The following RASGRF2 variants were observed in gnomAD, a reference collection of about 807,000 sequenced individuals.
RASGRF2 encodes the protein ras-specific guanine nucleotide-releasing factor 2.
RASGRF2 carries 76 observed loss-of-function variants against 151.0 expected under a neutral mutation model. The observed-to-expected ratio is 0.50, with a 90% CI of 0.42 to 0.61. The LOEUF (loss-of-function observed/expected upper bound fraction) is 0.61, where lower values mean the gene tolerates loss of function less well. Ranked by LOEUF, RASGRF2 falls within the 20% of genes least tolerant of loss-of-function variation. The pLI, the probability that RASGRF2 is intolerant of heterozygous loss-of-function variation, is 0.00. For missense variants in RASGRF2, 1,148 were observed against 1,564.6 expected, an observed-to-expected ratio of 0.73 and a Z score of 4.49; for synonymous variants, 504 against 566.5, an observed-to-expected ratio of 0.89 and a Z score of 1.57.
At chr5:81,003,479 T>C (rs967396488) in intron 1 of RASGRF2, among the ~76,000 whole-genome samples, 8 of 152,130 alleles carry the variant, frequency 5.3e-5, no homozygotes, top group African/African-American at 7.2e-5. Context: ...CGCCTTGGCC[T>C]CCCAAAGTGC....
chr5:81,017,252 G>A (rs969521075), intron 1 of RASGRF2, among the ~76,000 whole-genome samples: 20 of 152,216 alleles, frequency 1.3e-4, no homozygotes, highest in African/African-American at 4.8e-4. Flanking sequence ...GCATGTTGAT[G>A]TGTGTTACTG....
intron 1 of RASGRF2, among the ~76,000 whole-genome samples, chr5:81,031,355 C>T (rs995969969): frequency 6.6e-6 from 1 of 152,202 alleles, no homozygotes; most frequent in Admixed American, 6.5e-5. Flanking sequence ...ACATTCTTCT[C>T]AGCACCACTT....
At chr5:80,986,198 T>C (rs949873592) in intron 1 of RASGRF2, among the ~76,000 whole-genome samples, 12 of 152,354 alleles carry the variant, frequency 7.9e-5, no homozygotes, top group South Asian at 2.1e-4. Context: ...TAGCTTCAGC[T>C]AAGTTAATGG....
chr5:81,187,155 A>G (rs532610970), intron 18 of RASGRF2, among the ~76,000 whole-genome samples: 1 of 152,160 alleles, frequency 6.6e-6, no homozygotes, highest in Non-Finnish European at 1.5e-5. Context: ...CTAAGTCTCA[A>G]AGGGGTTTAG....
At chr5:81,079,544 T>C (rs879454830) in intron 5 of RASGRF2, among the ~76,000 whole-genome samples, 10 of 152,346 alleles carry the variant, frequency 6.6e-5, no homozygotes, top group Admixed American at 3.9e-4. Context: ...GTAATTACCC[T>C]TCCTGGCCCT....
chr5:81,107,082 C>T (rs2112531847), intron 12 of RASGRF2, among the ~76,000 whole-genome samples: 1 of 151,188 alleles, frequency 6.6e-6, no homozygotes, highest in Non-Finnish European at 1.5e-5. Flanking sequence ...TATTGTTGGC[C>T]AGGTGCAGTG....
intron 18 of RASGRF2, among the ~76,000 whole-genome samples, chr5:81,193,718 T>C (rs560000766): frequency 6.6e-6 from 1 of 152,298 alleles, no homozygotes; most frequent in Admixed American, 6.5e-5. Context: ...GGTTTCACCA[T>C]GTTGGTCAGG....
intron 17 of RASGRF2, among the ~76,000 whole-genome samples, chr5:81,163,756 CAG>C (rs1754441188): frequency 6.6e-6 from 1 of 152,092 alleles, no homozygotes; most frequent in Non-Finnish European, 1.5e-5. Flanking sequence ...GCTGTATAAT[CAG>C]AGAGCTAGAC....
intron 1 of RASGRF2, among the ~76,000 whole-genome samples, chr5:81,036,228 T>C (rs961081648): frequency 6.6e-6 from 1 of 152,104 alleles, no homozygotes; most frequent in African/African-American, 2.4e-5. Context: ...ATTTCTTGGG[T>C]TATGAATTTT....
intron 5 of RASGRF2, among the ~76,000 whole-genome samples, chr5:81,074,306 A>C (rs1751871774): frequency 6.6e-6 from 1 of 152,206 alleles, no homozygotes; most frequent in African/African-American, 2.4e-5. Flanking sequence ...AGAGCTGTGG[A>C]GAAAAATAAA....
At chr5:81,027,476 C>A (rs538174733) in intron 1 of RASGRF2, among the ~76,000 whole-genome samples, 1 of 152,294 alleles carries the variant, frequency 6.6e-6, no homozygotes, top group South Asian at 2.1e-4. Flanking sequence ...CCATTCCCCT[C>A]GCTCCTGGCA....
At chr5:81,146,167 T>C (rs780003564) in intron 17 of RASGRF2, among the ~76,000 whole-genome samples, 14 of 152,218 alleles carry the variant, frequency 9.2e-5, no homozygotes, top group Non-Finnish European at 1.8e-4. Context: ...CTGAATTGAA[T>C]AGACTCATTT....
chr5:81,027,480 C>G lies in RASGRF2; in HGVS notation c.289-15397C>G, dbSNP rs79811829. Among the ~76,000 whole-genome samples the G allele has an allele frequency of 2.9e-3, 440 of 152,272 alleles. 4 individuals are homozygous for G. The highest frequency in any genetic ancestry group is 6.1e-3 in the African/African-American group (254 of 41,526). ...CTCTGCTCTGCCCATTCCCCTCGCT[C>G]CTGGCAACCACTTACCTGTGTTTTG... On this transcript the variant is annotated intron_variant, in intron 1 of 26. Transcript: ENST00000265080.
chr5:81,026,042 C>T (rs186920051), intron 1 of RASGRF2, among the ~76,000 whole-genome samples: 21 of 34,624 alleles, frequency 6.1e-4, no homozygotes, highest in East Asian at 1.7e-3. Flanking sequence ...TTCCCTCCTT[C>T]CTTCCATCCT....
chr5:81,162,369 A>T (rs1428700635), intron 17 of RASGRF2, among the ~76,000 whole-genome samples: 2 of 151,886 alleles, frequency 1.3e-5, no homozygotes, highest in African/African-American at 4.8e-5. Context: ...TGTTTTTGAG[A>T]TGGAGCCTCA....
chr5:81,014,117 A>G (rs1009352227), intron 1 of RASGRF2, among the ~76,000 whole-genome samples: 1 of 152,068 alleles, frequency 6.6e-6, no homozygotes, highest in African/African-American at 2.4e-5. Flanking sequence ...AACTTTGTTC[A>G]TGGTGTATTT....
At chr5:80,994,904 A>T (rs1353390457) in intron 1 of RASGRF2, among the ~76,000 whole-genome samples, 1 of 152,200 alleles carries the variant, frequency 6.6e-6, no homozygotes, top group African/African-American at 2.4e-5. Context: ...TTGGGCACAC[A>T]TATACAGTTG....
At chr5:81,067,483 T>C (rs1171980174) in intron 2 of RASGRF2, among the ~76,000 whole-genome samples, 6 of 152,236 alleles carry the variant, frequency 3.9e-5, no homozygotes. Context: ...CTGTTGGCTT[T>C]AGAAATAGAG....
chr5:81,067,139 A>G (rs1398575369), intron 2 of RASGRF2, among the ~76,000 whole-genome samples: 1 of 152,192 alleles, frequency 6.6e-6, no homozygotes, highest in Non-Finnish European at 1.5e-5. Flanking sequence ...TCTCTGGGCA[A>G]TTGGGATCAC....
Sources: allele counts gnomAD v4.1 joint callset (sites outside exome capture counted in the v4.1 genomes callset), GRCh38; gene constraint gnomAD v4.1.1; transcripts MANE v1.5; gene names NCBI Gene and HGNC (gene_info 2026-07-23, HGNC 2026-07-21).